Variants in IKZF1 observed in about 807,000 individuals in gnomAD.
IKZF1 encodes DNA-binding protein Ikaros.
In IKZF1, 10 loss-of-function variants were observed where a neutral mutation model predicts 51.7. The ratio of observed to expected loss-of-function variants is 0.19; its 90% CI spans 0.12 to 0.33. The LOEUF (loss-of-function observed/expected upper bound fraction) is 0.33, where lower values mean the gene tolerates loss of function less well. IKZF1 is among the 10% of genes least tolerant of loss of function. The probability of loss-of-function intolerance (pLI) is 1.00; values close to 1 mark genes in which losing one functional copy is unlikely to be tolerated. For synonymous variants in IKZF1, 280 were observed against 282.3 expected, an observed-to-expected ratio of 0.99 and a Z score of 0.08; for missense variants, 484 against 707.5, an observed-to-expected ratio of 0.68 and a Z score of 3.58.
At position 50,403,201 on chromosome 7, in the gene IKZF1, A is replaced by G. The variant is rs1402983951; in HGVS notation, c.*2574A>G. 5 of 219,770 alleles carry G rather than the reference A, an allele frequency of 2.3e-5. No individual in the cohort carries two copies. Among genetic ancestry groups the G allele is most frequent in the East Asian group, 6.7e-5 (1 of 14,948 alleles). 13.6% of individuals were successfully genotyped at this position (219,770 alleles called of 1,614,324 possible). A position where few individuals can be genotyped will look rare whatever the true frequency, so the allele number is the denominator to read the frequency against. ...CACCATTTTTCTTTGAAACTATTGTATTTAAAGTAAGGTTTCATATTATGT... is the reference window on the plus strand; with the variant it reads ...CACCATTTTTCTTTGAAACTATTGTGTTTAAAGTAAGGTTTCATATTATGT... On this transcript the variant is annotated 3_prime_UTR_variant, in exon 8 of 8. Transcript: ENST00000331340.
chr7:50,319,155 G>T, intron 2 of IKZF1, 54 bp downstream of exon 2: 5 of 1,522,130 alleles, frequency 3.3e-6, no homozygotes, highest in Non-Finnish European at 4.6e-6. Flanking sequence ...GCTTCCCTGG[G>T]GCCGGAAGTC....
chr7:50,324,291 A>T (rs1185029364), intron 2 of IKZF1, among the ~76,000 whole-genome samples: 1 of 152,182 alleles, frequency 6.6e-6, no homozygotes, highest in African/African-American at 2.4e-5. Context: ...AGCAGCCCGG[A>T]CTTACACTTT....
chr7:50,389,973 G>A (rs2153495110), intron 6 of IKZF1, among the ~76,000 whole-genome samples: 1 of 152,270 alleles, frequency 6.6e-6, no homozygotes, highest in Non-Finnish European at 1.5e-5. Context: ...CCTCAGTTAG[G>A]CAATATAGGA....
intron 7 of IKZF1, among the ~76,000 whole-genome samples, chr7:50,397,045 T>C (rs1486095382): frequency 6.6e-6 from 1 of 152,246 alleles, no homozygotes; most frequent in Non-Finnish European, 1.5e-5. Flanking sequence ...AGGGAAAAGA[T>C]ACCTATCTGA....
intron 3 of IKZF1, among the ~76,000 whole-genome samples, chr7:50,347,905 C>A (rs1189997906): frequency 6.6e-6 from 1 of 152,170 alleles, no homozygotes; most frequent in Non-Finnish European, 1.5e-5. Context: ...GTGCAACCCT[C>A]GTGTTTGCAT....
intron 3 of IKZF1, among the ~76,000 whole-genome samples, chr7:50,341,288 C>T (rs1799009312): frequency 6.6e-6 from 1 of 151,992 alleles, no homozygotes; most frequent in African/African-American, 2.4e-5. Context: ...GGATTACACG[C>T]CCGCCACCAT....
intron 3 of IKZF1, among the ~76,000 whole-genome samples, chr7:50,362,953 A>G (rs1330101499): frequency 6.6e-6 from 1 of 152,180 alleles, no homozygotes; most frequent in African/African-American, 2.4e-5. Context: ...GGGCAAAGGC[A>G]GGGGCTTCAT....
intron 3 of IKZF1, among the ~76,000 whole-genome samples, chr7:50,338,038 G>A (rs1445791570): frequency 6.6e-6 from 1 of 152,028 alleles, no homozygotes; most frequent in African/African-American, 2.4e-5. Flanking sequence ...GATTTGTTAA[G>A]GTTTTTTAAT....
At chr7:50,356,886 T>G (rs1460602373) in intron 3 of IKZF1, among the ~76,000 whole-genome samples, 2 of 151,628 alleles carry the variant, frequency 1.3e-5, no homozygotes, top group Non-Finnish European at 2.9e-5. Flanking sequence ...TCTCTGGATA[T>G]GGAGGGAAGG....
intron 3 of IKZF1, among the ~76,000 whole-genome samples, chr7:50,330,323 A>G (rs1032590306): frequency 6.6e-6 from 1 of 152,246 alleles, no homozygotes; most frequent in African/African-American, 2.4e-5. Flanking sequence ...CCCTGTGGAC[A>G]GGCGGGAACA....
intron 2 of IKZF1, among the ~76,000 whole-genome samples, chr7:50,322,834 G>A (rs934574678): frequency 2.0e-5 from 3 of 152,108 alleles, no homozygotes; most frequent in African/African-American, 7.2e-5. Flanking sequence ...GACCACTATA[G>A]TATCATCTGT....
chr7:50,382,955 C>T (rs1217522778), intron 5 of IKZF1, among the ~76,000 whole-genome samples: 1 of 152,148 alleles, frequency 6.6e-6, no homozygotes, highest in Non-Finnish European at 1.5e-5. Context: ...AGAAGTCTCA[C>T]CTTAGGTAGC....
At chr7:50,353,449 G>A (rs1178511930) in intron 3 of IKZF1, among the ~76,000 whole-genome samples, 1 of 152,180 alleles carries the variant, frequency 6.6e-6, no homozygotes, top group Non-Finnish European at 1.5e-5. Context: ...GGATGTTGTG[G>A]CCCTGTGAGG....
chr7:50,351,562 A>G (rs1468009720), intron 3 of IKZF1, among the ~76,000 whole-genome samples: 2 of 152,216 alleles, frequency 1.3e-5, no homozygotes, highest in African/African-American at 2.4e-5. Context: ...AGAAATGGAT[A>G]TGTGAAGTAA....
At chr7:50,398,907 A>G (rs1290854637) in intron 7 of IKZF1, among the ~76,000 whole-genome samples, 1 of 152,228 alleles carries the variant, frequency 6.6e-6, no homozygotes, top group Non-Finnish European at 1.5e-5. Context: ...TATGACCAAC[A>G]TATTGAGAAG....
chr7:50,317,298 A>C (rs1791834758), intron 1 of IKZF1, among the ~76,000 whole-genome samples: 1 of 152,220 alleles, frequency 6.6e-6, no homozygotes, highest in South Asian at 2.1e-4. Flanking sequence ...AATACTATAC[A>C]CATCTTCAGA....
intron 3 of IKZF1, among the ~76,000 whole-genome samples, chr7:50,365,715 A>C (rs1213728165): frequency 2.0e-5 from 3 of 152,236 alleles, no homozygotes; most frequent in Admixed American, 6.5e-5. Context: ...CATGTGGAAG[A>C]CAGTGTGGCA....
intron 1 of IKZF1, among the ~76,000 whole-genome samples, chr7:50,306,019 A>T (rs1207358853): frequency 6.6e-6 from 1 of 152,228 alleles, no homozygotes; most frequent in Non-Finnish European, 1.5e-5. Context: ...ATGGAATTTT[A>T]AAAAGTAACA....
chr7:50,384,770 T>C (rs947614609), intron 5 of IKZF1, among the ~76,000 whole-genome samples: 2 of 152,254 alleles, frequency 1.3e-5, no homozygotes, highest in Non-Finnish European at 2.9e-5. Flanking sequence ...AGGAGCCATG[T>C]AGACATAGAC....
Sources: allele counts gnomAD v4.1 joint callset (sites outside exome capture counted in the v4.1 genomes callset), GRCh38; gene constraint gnomAD v4.1.1; transcripts MANE v1.5; gene names NCBI Gene and HGNC (gene_info 2026-07-23, HGNC 2026-07-21).